ITGA2: variants seen among roughly 807,000 people sequenced by gnomAD.
The protein encoded by ITGA2 is integrin subunit alpha 2, also known as integrin alpha-2.
In ITGA2, 101 loss-of-function variants were observed where a neutral mutation model predicts 146.3. The ratio of observed to expected loss-of-function variants is 0.69; its 90% CI spans 0.59 to 0.81. The LOEUF (loss-of-function observed/expected upper bound fraction) is 0.81. Among genes scored for constraint, ITGA2 ranks in the 40% least tolerant of loss-of-function variants. ITGA2 has a pLI of 0.00. For missense variants in ITGA2, 1,281 were observed against 1,402.7 expected, an observed-to-expected ratio of 0.91 and a Z score of 1.39; for synonymous variants, 477 against 487.1, an observed-to-expected ratio of 0.98 and a Z score of 0.27.
At chr5:53,047,468 T>C (rs972190059) in intron 4 of ITGA2, among the ~76,000 whole-genome samples, 5 of 152,196 alleles carry the variant, frequency 3.3e-5, no homozygotes, top group African/African-American at 2.4e-5. Context: ...GCAGGTATAA[T>C]GTGAGCAAGA....
intron 1 of ITGA2, among the ~76,000 whole-genome samples, chr5:53,005,384 C>T (rs1210573665): frequency 2.6e-5 from 4 of 151,928 alleles, no homozygotes; most frequent in Non-Finnish European, 4.4e-5. Flanking sequence ...GAGTTTGAGA[C>T]CAGCCTGGCC....
At chr5:53,023,240 A>G (rs1195431615) in intron 1 of ITGA2, among the ~76,000 whole-genome samples, 1 of 152,202 alleles carries the variant, frequency 6.6e-6, no homozygotes, top group Admixed American at 6.5e-5. Flanking sequence ...GAAGCAACCT[A>G]TGACTCTCTG....
chr5:53,048,858 C>A, intron 6 of ITGA2, 88 bp downstream of exon 6: 1 of 1,397,090 alleles, frequency 7.2e-7, no homozygotes, highest in Non-Finnish European at 1.0e-6. Flanking sequence ...TTTGTATTTG[C>A]CAAATCCCCA....
chr5:53,009,465 G>C (rs959700928), intron 1 of ITGA2, among the ~76,000 whole-genome samples: 4 of 152,102 alleles, frequency 2.6e-5, no homozygotes, highest in Non-Finnish European at 4.4e-5. Flanking sequence ...ACCTAATTGG[G>C]TCTTATTGTT....
rs1746016929 is a variant in ITGA2 at position 53,083,392 on chromosome 5, A to G, written c.3197A>G (p.His1066Arg). 5.0e-6 allele frequency: 8 copies of G among 1,613,694 alleles called. No homozygotes were observed. Among genetic ancestry groups the G allele is most frequent in the Middle Eastern group, 3.3e-4 (2 of 6,082 alleles). ...SNVTCWLKDVHMKGEYFVNVT... is the reference protein window; with the variant it reads ...SNVTCWLKDVRMKGEYFVNVT... Reference sequence around the variant, plus strand: ...GTTACCTGCTGGTTGAAAGACGTTCACATGAAAGGAGAATACTTTGTTAAT... The same window carrying G: ...GTTACCTGCTGGTTGAAAGACGTTCGCATGAAAGGAGAATACTTTGTTAAT... Residue 1066 changes from histidine to arginine, a missense_variant, in exon 27 of 30, where the codon CAC becomes CGC. Physicochemically the swap from His to Arg is conservative, Grantham distance 29 (BLOSUM62 0). Around this residue, in one of 3 missense-constraint regions of ITGA2, gnomAD observed 475 missense variants for 530.5 expected, o/e 0.90. Transcript: ENST00000296585.
intron 10 of ITGA2, among the ~76,000 whole-genome samples, chr5:53,058,907 A>G (rs1342119906): frequency 1.3e-5 from 2 of 151,966 alleles, no homozygotes; most frequent in Non-Finnish European, 2.9e-5. Context: ...ACACAATCCC[A>G]TGAGGTTTTT....
rs911187546 is a variant in ITGA2, at chr5:53,093,167, TACAA to T, written c.*2573_*2576del. On this transcript the variant is annotated 3_prime_UTR_variant, in exon 30 of 30. Coordinates refer to ENST00000296585, the MANE Select transcript of ITGA2 (RefSeq NM_002203.4). ...TAAATACTAGCTTTTCAATGTGCTA[TACAA>T]ACAATTATAGCACATCCTTCCTTTT... 12 of 152,204 alleles carry T rather than the reference TACAA, an allele frequency of 7.9e-5. No individual in the cohort carries two copies. Among genetic ancestry groups the T allele is most frequent in the African/African-American group, 2.9e-4 (12 of 41,472 alleles). 9.4% of individuals were successfully genotyped at this position (152,204 alleles called of 1,614,324 possible). A position where few individuals can be genotyped will look rare whatever the true frequency, so the allele number is the denominator to read the frequency against.
chr5:53,005,037 A>G (rs10071255), intron 1 of ITGA2, among the ~76,000 whole-genome samples: 1 of 150,384 alleles, frequency 6.6e-6, no homozygotes, highest in Admixed American at 6.7e-5. Context: ...TGTTCAAAAG[A>G]TCTAATGTGA....
At chr5:53,004,894 G>GTTTTTTTTTTTTTTTTTTTTTTTTTTT (rs548541753) in intron 1 of ITGA2, among the ~76,000 whole-genome samples, 1 of 55,924 alleles carries the variant, frequency 1.8e-5, no homozygotes, top group African/African-American at 9.3e-5. Context: ...TAGTTGCTTT[G>GTTTTTTTTTTTTTTTTTTTTTTTTTTT]TTTTTTTTTT....
chr5:53,083,493 G>T (rs779986980), intron 27 of ITGA2, 40 bp downstream of exon 27: 7 of 1,208,764 alleles, frequency 5.8e-6, no homozygotes, highest in Non-Finnish European at 8.6e-6. Flanking sequence ...TCAATAGCAA[G>T]GAAACATAAG....
At chr5:53,074,291 T>TA in intron 20 of ITGA2, 94 bp from the exon 21 acceptor site, 1 of 951,988 alleles carries the variant, frequency 1.1e-6, no homozygotes, top group African/African-American at 1.6e-5. Flanking sequence ...ACCTTACTGC[T>TA]AAAATGCCAC....
At chr5:53,035,118 A>C (rs577801197) in intron 2 of ITGA2, among the ~76,000 whole-genome samples, 1 of 152,228 alleles carries the variant, frequency 6.6e-6, no homozygotes. Context: ...ATCATTGATG[A>C]AACAACCATC....
At chr5:53,041,854 C>T (rs567326114) in intron 2 of ITGA2, among the ~76,000 whole-genome samples, 3 of 152,150 alleles carry the variant, frequency 2.0e-5, no homozygotes, top group Admixed American at 6.5e-5. Context: ...GGCTAATATT[C>T]GTAGCTTGCA....
At chr5:53,003,472 T>G (rs1421658335) in intron 1 of ITGA2, among the ~76,000 whole-genome samples, 1 of 152,164 alleles carries the variant, frequency 6.6e-6, no homozygotes, top group Non-Finnish European at 1.5e-5. Context: ...GTCTCTCACA[T>G]ACTGTTAGAG....
At chr5:53,061,241 A>G (rs1318959877) in intron 12 of ITGA2, among the ~76,000 whole-genome samples, 195 bp downstream of exon 12, 1 of 151,868 alleles carries the variant, frequency 6.6e-6, no homozygotes, top group Non-Finnish European at 1.5e-5. Context: ...TTGACAACTT[A>G]CTGGGAATTT....
chr5:53,083,524 C>T, intron 27 of ITGA2, 71 bp downstream of exon 27: 1 of 961,618 alleles, frequency 1.0e-6, no homozygotes, highest in African/African-American at 1.6e-5. Flanking sequence ...CAAGTTCTTC[C>T]CCTTTGACAA....
chr5:53,052,137 C>A (rs534578479), intron 7 of ITGA2, among the ~76,000 whole-genome samples: 1 of 152,098 alleles, frequency 6.6e-6, no homozygotes, highest in Admixed American at 6.5e-5. Flanking sequence ...ATGTGCAGAA[C>A]GTGCAGGTTC....
Position 53,047,349 on chromosome 5 carries a change from A to G in ITGA2, c.388-1014A>G, listed in dbSNP as rs187668187. ...TATCAATTTTAAAGTTATTTAATCT[A>G]ATGTTTCTTGTGTCATTTAATCATG... On this transcript the variant is annotated intron_variant, in intron 4 of 29. Transcript: ENST00000296585. 1.1e-3 allele frequency among the ~76,000 whole-genome samples: 162 copies of G among 152,202 alleles called. 1 individual carries two copies. The highest frequency in any genetic ancestry group is 3.5e-3 in the African/African-American group (146 of 41,524).
At chr5:52,989,821 CACACACACACACACAG>C (rs1260079548) in intron 1 of ITGA2, among the ~76,000 whole-genome samples, 2 of 143,030 alleles carry the variant, frequency 1.4e-5, no homozygotes, top group Admixed American at 7.0e-5. Context: ...CACGCACACA[CACACACACACACACAG>C]ACAGACACGC....
Sources: allele counts gnomAD v4.1 joint callset (sites outside exome capture counted in the v4.1 genomes callset), GRCh38; gene constraint gnomAD v4.1.1; regional missense constraint gnomAD v4.1.1; transcripts MANE v1.5; gene names NCBI Gene and HGNC (gene_info 2026-07-23, HGNC 2026-07-21).